The following OTUD7A variants were observed in gnomAD, a reference collection of about 807,000 sequenced individuals.
The protein encoded by OTUD7A is OTU deubiquitinase 7A, also known as OTU domain-containing protein 7A.
A neutral mutation model predicts 65.7 loss-of-function variants in OTUD7A; 12 were observed. That is an observed-to-expected ratio of 0.18 (90% CI 0.12 to 0.30). The LOEUF (loss-of-function observed/expected upper bound fraction) is 0.30, where lower values mean the gene tolerates loss of function less well. Ranked by LOEUF, OTUD7A falls within the 10% of genes least tolerant of loss-of-function variation. The probability of loss-of-function intolerance (pLI) is 1.00; values close to 1 mark genes in which losing one functional copy is unlikely to be tolerated. For missense variants in OTUD7A, 1,148 were observed against 1,304.8 expected (o/e 0.88, Z 1.85); for synonymous variants, 641 against 586.3 (o/e 1.09, Z -1.35).
At chr15:31,497,590 C>T (rs919344689) in intron 10 of OTUD7A, among the ~76,000 whole-genome samples, 4 of 152,144 alleles carry the variant, frequency 2.6e-5, no homozygotes, top group Admixed American at 6.5e-5. Flanking sequence ...CCACAGATGG[C>T]ATTGACACCT....
chr15:31,643,249 A>G (rs1326527811), intron 3 of OTUD7A, among the ~76,000 whole-genome samples: 2 of 152,236 alleles, frequency 1.3e-5, no homozygotes, highest in African/African-American at 4.8e-5. Flanking sequence ...CCTCCCAAGT[A>G]GCTGGGATTG....
chr15:31,558,375 GA>G (rs1417274860), intron 5 of OTUD7A: 3 of 152,952 alleles, frequency 2.0e-5, no homozygotes, highest in African/African-American at 7.2e-5. Flanking sequence ...GGGTGGTGAG[GA>G]AACACTAAGG....
At chr15:31,771,769 C>A (rs898531043) in intron 1 of OTUD7A, among the ~76,000 whole-genome samples, 6 of 152,124 alleles carry the variant, frequency 3.9e-5, no homozygotes, top group African/African-American at 7.2e-5. Context: ...TGCACCAGAC[C>A]CCCCTCTCCA....
intron 1 of OTUD7A, among the ~76,000 whole-genome samples, chr15:31,772,200 C>T (rs1229998772): frequency 1.4e-5 from 2 of 145,410 alleles, no homozygotes; most frequent in East Asian, 2.0e-4. Flanking sequence ...TGCAGTGAGC[C>T]GAGATCCCGC....
chr15:31,820,526 A>C (rs886295796), intron 1 of OTUD7A, among the ~76,000 whole-genome samples: 11 of 152,240 alleles, frequency 7.2e-5, no homozygotes, highest in African/African-American at 2.2e-4. Context: ...AATGCTTCCC[A>C]TGCATTTATT....
At chr15:31,669,233 T>C (rs1301322294) in intron 1 of OTUD7A, among the ~76,000 whole-genome samples, 2 of 152,184 alleles carry the variant, frequency 1.3e-5, no homozygotes, top group African/African-American at 4.8e-5. Flanking sequence ...ATGCCATTTA[T>C]CTTCAGCTAC....
At position 31,808,134 on chromosome 15, in the gene OTUD7A, C is replaced by CACACACAA. The variant is rs1555420116; in HGVS notation, c.-100+62372_-100+62373insTTGTGTGT. On this transcript the variant is annotated intron_variant, in intron 1 of 12. Coordinates refer to ENST00000307050, the MANE Select transcript of OTUD7A (RefSeq NM_001382637.1). The stretch of plus-strand genomic sequence containing the variant: ...ACACACACACACACACACACACACA[C>CACACACAA]ACAAACAAATCCTCACCAGGTTTTT... Among the ~76,000 whole-genome samples the CACACACAA allele has an allele frequency of 1.9e-3, 178 of 95,800 alleles. 1 individual carries two copies. Among genetic ancestry groups the CACACACAA allele is most frequent in the Non-Finnish European group, 3.3e-3 (144 of 43,846 alleles). The allele number at this position is 95,800 out of a possible 152,430, so 62.8% of individuals were successfully genotyped here.
chr15:31,734,505 T>C (rs1021021740), intron 1 of OTUD7A, among the ~76,000 whole-genome samples: 12 of 152,174 alleles, frequency 7.9e-5, no homozygotes, highest in African/African-American at 2.9e-4. Context: ...CTTCAAACTA[T>C]ATTACAGGGC....
intron 1 of OTUD7A, among the ~76,000 whole-genome samples, chr15:31,851,733 G>A (rs972431044): frequency 6.6e-6 from 1 of 152,232 alleles, no homozygotes; most frequent in African/African-American, 2.4e-5. Flanking sequence ...TAAAGCCAGA[G>A]TTCACCAGTT....
intron 1 of OTUD7A, among the ~76,000 whole-genome samples, chr15:31,774,900 G>A (rs551657008): frequency 3.3e-5 from 5 of 150,782 alleles, no homozygotes; most frequent in Admixed American, 6.6e-5. Context: ...TGGCCTTCTC[G>A]TGGGGGTCAG....
At chr15:31,674,494 C>T (rs531279253) in intron 1 of OTUD7A, among the ~76,000 whole-genome samples, 4 of 152,350 alleles carry the variant, frequency 2.6e-5, no homozygotes, top group Non-Finnish European at 5.9e-5. Flanking sequence ...CCACTGCATA[C>T]CCTTGCACCT....
At chr15:31,720,619 C>A (rs1223548963) in intron 1 of OTUD7A, among the ~76,000 whole-genome samples, 2 of 152,138 alleles carry the variant, frequency 1.3e-5, no homozygotes, top group Non-Finnish European at 2.9e-5. Context: ...CCAGGATGCT[C>A]TCAATCTCCT....
intron 1 of OTUD7A, among the ~76,000 whole-genome samples, chr15:31,769,343 T>C (rs1330559466): frequency 6.6e-6 from 1 of 152,222 alleles, no homozygotes; most frequent in Non-Finnish European, 1.5e-5. Flanking sequence ...CAAATGTGTA[T>C]GCACCTAACA....
At chr15:31,737,877 T>C (rs775138132) in intron 1 of OTUD7A, among the ~76,000 whole-genome samples, 3 of 152,206 alleles carry the variant, frequency 2.0e-5, no homozygotes, top group Non-Finnish European at 2.9e-5. Flanking sequence ...ATATGTATTG[T>C]AGGGAATCAT....
chr15:31,776,183 G>T (rs533651362), intron 1 of OTUD7A, among the ~76,000 whole-genome samples: 1 of 152,166 alleles, frequency 6.6e-6, no homozygotes, highest in Non-Finnish European at 1.5e-5. Flanking sequence ...TCCCCTTACC[G>T]CCTGGTACCG....
At chr15:31,777,116 G>A (rs772923355) in intron 1 of OTUD7A, among the ~76,000 whole-genome samples, 1 of 152,146 alleles carries the variant, frequency 6.6e-6, no homozygotes, top group Non-Finnish European at 1.5e-5. Flanking sequence ...GGAGGCTGGG[G>A]AGTCCCAGAT....
At chr15:31,543,530 C>T (rs1328369755) in intron 5 of OTUD7A, among the ~76,000 whole-genome samples, 1 of 151,762 alleles carries the variant, frequency 6.6e-6, no homozygotes, top group Non-Finnish European at 1.5e-5. Context: ...TACAAAAGTG[C>T]TATAGGTAAA....
At chr15:31,547,192 C>G (rs1310560356) in intron 5 of OTUD7A, among the ~76,000 whole-genome samples, 1 of 120,872 alleles carries the variant, frequency 8.3e-6, no homozygotes, top group Admixed American at 8.8e-5. Context: ...CAGAAAACCC[C>G]AATTTGCAAA....
rs976114758 is a variant in OTUD7A at position 31,620,027 on chromosome 15, C to T, written c.151+35069G>A. ...TTTTCTGCATCTATTGAGATAATCA[C>T]ATGGTTTTTGTCTTTGGTTCTGTTT... On this transcript the variant is annotated intron_variant, in intron 3 of 12. Transcript: ENST00000307050. 9.9e-5 allele frequency among the ~76,000 whole-genome samples: 15 copies of T among 152,168 alleles called. 1 individual carries two copies. In the South Asian group the frequency reaches 1.7e-3, roughly 17 times the overall value.
Sources: allele counts gnomAD v4.1 joint callset (sites outside exome capture counted in the v4.1 genomes callset), GRCh38; gene constraint gnomAD v4.1.1; transcripts MANE v1.5; gene names NCBI Gene and HGNC (gene_info 2026-07-23, HGNC 2026-07-21).